BTBD8: variants seen among roughly 807,000 people sequenced by gnomAD.
BTBD8 encodes the protein BTB domain containing 8.
In BTBD8, 110 loss-of-function variants were observed where a neutral mutation model predicts 162.9. That is an observed-to-expected ratio of 0.68 (90% CI 0.58 to 0.79). The LOEUF is 0.79. Ranked by LOEUF, BTBD8 falls within the 30% of genes least tolerant of loss-of-function variation. BTBD8 has a pLI of 0.00. For synonymous variants in BTBD8, 667 were observed against 716.1 expected, an observed-to-expected ratio of 0.93 and a Z score of 1.10; for missense variants, 1,905 against 2,085.4, an observed-to-expected ratio of 0.91 and a Z score of 1.68.
rs2100671771 is a variant in BTBD8, at chr1:92,168,584, G to T, written c.1444-282G>T. On this transcript the variant is annotated intron_variant, in intron 11 of 17. Coordinates refer to ENST00000636805, the MANE Select transcript of BTBD8 (RefSeq NM_001376131.1). ...TCCATAGAGCATTTGACCTTGTAAT[G>T]TCATAGTTGATATGAAAAGGCTGTG... Among the ~76,000 whole-genome samples the T allele has an allele frequency of 1.3e-5, 2 of 152,268 alleles. No individual in the cohort carries two copies. Among genetic ancestry groups the T allele is most frequent in the East Asian group, 3.9e-4 (2 of 5,192 alleles).
intron 11 of BTBD8, 70 bp downstream of exon 11, chr1:92,168,055 T>C: frequency 7.2e-7 from 1 of 1,390,330 alleles, no homozygotes; most frequent in Non-Finnish European, 9.7e-7. Context: ...GTATGTGCAT[T>C]TTAAATGTTG....
At chr1:92,144,555 C>T (rs1430296740) in intron 7 of BTBD8, among the ~76,000 whole-genome samples, 1 of 151,062 alleles carries the variant, frequency 6.6e-6, no homozygotes, top group Non-Finnish European at 1.5e-5. Flanking sequence ...TGTCTGTAAT[C>T]CCAGCACTTT....
At chr1:92,167,220 G>A (rs1650407088) in intron 10 of BTBD8, 80 bp downstream of exon 10, 5 of 1,476,330 alleles carry the variant, frequency 3.4e-6, no homozygotes, top group Middle Eastern at 1.8e-4. Flanking sequence ...TTTAAATGCA[G>A]GTTGCTTTTG....
intron 4 of BTBD8, among the ~76,000 whole-genome samples, chr1:92,124,260 T>C (rs906180992): frequency 2.8e-4 from 43 of 152,066 alleles, no homozygotes; most frequent in Non-Finnish European, 5.4e-4. Context: ...CATGCTTTCC[T>C]TTTTTTTGCT....
intron 9 of BTBD8, among the ~76,000 whole-genome samples, chr1:92,158,510 A>G (rs990879254): frequency 9.9e-5 from 15 of 152,128 alleles, no homozygotes; most frequent in African/African-American, 3.6e-4. Context: ...CCCCACACAT[A>G]CACTCTGTTA....
chr1:92,123,028 G>A (rs1319026505), intron 4 of BTBD8, among the ~76,000 whole-genome samples: 1 of 152,156 alleles, frequency 6.6e-6, no homozygotes, highest in East Asian at 1.9e-4. Flanking sequence ...TTTGTATATG[G>A]TGTGAGGCAA....
intron 4 of BTBD8, among the ~76,000 whole-genome samples, chr1:92,114,084 T>C (rs1648975202): frequency 6.6e-6 from 1 of 151,528 alleles, no homozygotes. Flanking sequence ...TGACATGCTA[T>C]GTATTCATAT....
chr1:92,132,483 C>T (rs2101932126), intron 5 of BTBD8, among the ~76,000 whole-genome samples: 1 of 152,202 alleles, frequency 6.6e-6, no homozygotes, highest in South Asian at 2.1e-4. Flanking sequence ...ACTCTTTCAC[C>T]TGTAATTTTC....
intron 5 of BTBD8, among the ~76,000 whole-genome samples, chr1:92,131,798 A>T (rs533495802): frequency 2.6e-5 from 4 of 151,878 alleles, no homozygotes; most frequent in Non-Finnish European, 5.9e-5. Flanking sequence ...TGAGGTCAAC[A>T]TAGGGCCTCA....
In BTBD8 at chr1:92,180,645, C is replaced by G. The variant is rs772692348; in HGVS notation, c.2962C>G (p.His988Asp). ...GGACAGTGTTTCTGAACAGAAGCCT[C>G]ACAAACCTCTCATTAATCTTGCATC... ...NKDSVSEQKP[H>D]KPLINLASEI... is the part of the protein sequence containing the mutation. Residue 988 changes from histidine to aspartate, a missense_variant, in exon 17 of 18, where the codon CAC (histidine) becomes GAC (aspartate). By Grantham distance (81) the His-to-Asp change is moderately conservative. Coordinates refer to ENST00000636805, the MANE Select transcript of BTBD8 (RefSeq NM_001376131.1). 1.3e-6 allele frequency: 2 copies of G among 1,551,254 alleles called. No individual in the cohort carries two copies. Among genetic ancestry groups the G allele is most frequent in the Admixed American group, 2.0e-5 (1 of 50,902 alleles).
intron 2 of BTBD8, among the ~76,000 whole-genome samples, chr1:92,097,352 G>T (rs1278663924): frequency 6.6e-6 from 1 of 151,872 alleles, no homozygotes; most frequent in African/African-American, 2.4e-5. Context: ...TCACACTCTT[G>T]CCAATTCGTT....
Position 92,180,906 on chromosome 1 carries a change from G to C in BTBD8, c.3223G>C (p.Val1075Leu). 6.4e-7 allele frequency: 1 copy of C among 1,551,624 alleles called. No homozygotes were observed. The change falls in exon 17 of 18, where the codon GTT becomes CTT. Residue 1075 changes from valine (V) to leucine (L), a missense_variant. Val to Leu is a conservative substitution (Grantham distance 32, BLOSUM62 1). Around this residue, in one of 3 missense-constraint regions of BTBD8, gnomAD observed 1,374 missense variants for 1,442.7 expected, o/e 0.95. Coordinates refer to ENST00000636805, the MANE Select transcript of BTBD8 (RefSeq NM_001376131.1). ...CDAANICCHS[V>L]GSDNVNSKFY... Reference sequence around the variant, plus strand: ...TGCAGCTAACATATGTTGTCATTCTGTTGGGAGTGATAATGTAAATTCAAA... The same window carrying C: ...TGCAGCTAACATATGTTGTCATTCTCTTGGGAGTGATAATGTAAATTCAAA...
At chr1:92,174,856 C>T (rs1233399505) in intron 13 of BTBD8, among the ~76,000 whole-genome samples, 5 of 152,072 alleles carry the variant, frequency 3.3e-5, no homozygotes, top group Non-Finnish European at 7.4e-5. Context: ...ACCGTGCTTT[C>T]CTTTTTTCTA....
chr1:92,126,767 G>A (rs1649370913), intron 4 of BTBD8, among the ~76,000 whole-genome samples: 1 of 152,160 alleles, frequency 6.6e-6, no homozygotes, highest in Non-Finnish European at 1.5e-5. Context: ...CCCAGCATCA[G>A]TTGAATTACC....
intron 4 of BTBD8, among the ~76,000 whole-genome samples, chr1:92,129,405 G>A (rs1480707705): frequency 2.0e-5 from 3 of 151,906 alleles, no homozygotes; most frequent in African/African-American, 7.3e-5. Context: ...GATCATACGT[G>A]AGTCTAGGAG....
intron 2 of BTBD8, among the ~76,000 whole-genome samples, chr1:92,090,939 A>AG (rs1648278693): frequency 6.6e-6 from 1 of 152,222 alleles, no homozygotes; most frequent in African/African-American, 2.4e-5. Flanking sequence ...CTCAAAAAAA[A>AG]AAATTTTTTA....
chr1:92,112,111 T>TA (rs1225441156), intron 4 of BTBD8, among the ~76,000 whole-genome samples: 3 of 152,080 alleles, frequency 2.0e-5, no homozygotes, highest in African/African-American at 7.2e-5. Context: ...GAAAGGCACT[T>TA]AAAAAATTGC....
intron 3 of BTBD8, among the ~76,000 whole-genome samples, chr1:92,105,497 C>T (rs1282207614): frequency 6.6e-6 from 1 of 152,134 alleles, no homozygotes; most frequent in African/African-American, 2.4e-5. Flanking sequence ...AGGCAGTCCA[C>T]CCGCCTCAGC....
rs1220167293 is a variant in BTBD8 at position 92,181,888 on chromosome 1, C to G, written c.4205C>G (p.Ser1402Cys). 2 of 1,551,368 alleles carry G rather than the reference C, an allele frequency of 1.3e-6. No homozygotes were observed. Among genetic ancestry groups the G allele is most frequent in the South Asian group, 1.2e-5 (1 of 84,012 alleles). Residue 1402 changes from serine (S) to cysteine (C), a missense_variant, in exon 17 of 18, where the codon TCT becomes TGT. Physicochemically the swap from Ser to Cys is moderately radical, Grantham distance 112. Around this residue, in one of 3 missense-constraint regions of BTBD8, gnomAD observed 517 missense variants for 606.6 expected, o/e 0.85. Transcript: ENST00000636805. ...AENVAENFSISNPAPQQFQGI... is the reference protein window; with the variant it reads ...AENVAENFSICNPAPQQFQGI... Reference sequence around the variant, plus strand: ...AACGTTGCAGAAAATTTCTCTATATCTAACCCAGCTCCTCAGCAGTTTCAG... The same window carrying G: ...AACGTTGCAGAAAATTTCTCTATATGTAACCCAGCTCCTCAGCAGTTTCAG...
Sources: allele counts gnomAD v4.1 joint callset (sites outside exome capture counted in the v4.1 genomes callset), GRCh38; gene constraint gnomAD v4.1.1; regional missense constraint gnomAD v4.1.1; transcripts MANE v1.5; gene names NCBI Gene and HGNC (gene_info 2026-07-23, HGNC 2026-07-21).